Variants in CSMD3 observed in about 807,000 individuals in gnomAD.
The protein encoded by CSMD3 is CUB and Sushi multiple domains 3.
In CSMD3, 177 loss-of-function variants were observed where a neutral mutation model predicts 435.2. The ratio of observed to expected loss-of-function variants is 0.41; its 90% confidence interval spans 0.36 to 0.46. The LOEUF (loss-of-function observed/expected upper bound fraction) is 0.46. Among genes scored for constraint, CSMD3 ranks in the 20% least tolerant of loss-of-function variants. The pLI is 0.34. For synonymous variants in CSMD3, 1,656 were observed against 1,520.5 expected (o/e 1.09, Z -2.07); for missense variants, 4,265 against 4,504.6 (o/e 0.95, Z 1.52).
chr8:112,664,826 C>G lies in CSMD3; in HGVS notation c.2816+1451G>C, dbSNP rs536290406. Among the ~76,000 whole-genome samples, 3 of 152,250 alleles carry G rather than the reference C, an allele frequency of 2.0e-5. No homozygotes were observed. The East Asian group carries it at 5.8e-4, about 29-fold the overall frequency. Reference sequence around the variant, plus strand: ...AAAGGGAGAATCCAGAATAAACTGTCTTGTGGACACCTTGATCTTGAACTT... The same window carrying G: ...AAAGGGAGAATCCAGAATAAACTGTGTTGTGGACACCTTGATCTTGAACTT... On this transcript the variant is annotated intron_variant, in intron 17 of 70. Transcript: ENST00000297405.
intron 22 of CSMD3, among the ~76,000 whole-genome samples, chr8:112,587,714 A>G (rs1830849971): frequency 6.6e-6 from 1 of 151,846 alleles, no homozygotes; most frequent in African/African-American, 2.4e-5. Flanking sequence ...AAGAATTTCA[A>G]TAATAAAAAG....
chr8:112,841,776 G>GA (rs374997073), intron 11 of CSMD3, among the ~76,000 whole-genome samples: 11 of 150,264 alleles, frequency 7.3e-5, no homozygotes, highest in African/African-American at 1.5e-4. Flanking sequence ...GTCTTAGCAG[G>GA]AAAAAAAAAG....
intron 12 of CSMD3, among the ~76,000 whole-genome samples, chr8:112,827,226 G>A (rs1205076105): frequency 1.7e-5 from 2 of 121,194 alleles, no homozygotes; most frequent in Non-Finnish European, 3.3e-5. Flanking sequence ...ACCCACAATT[G>A]TGTGATACCA....
chr8:112,457,607 A>C (rs1257456069), intron 32 of CSMD3, among the ~76,000 whole-genome samples: 1 of 152,090 alleles, frequency 6.6e-6, no homozygotes, highest in Admixed American at 6.6e-5. Context: ...AATGTCTAAA[A>C]TGTAGAGAAT....
intron 5 of CSMD3, among the ~76,000 whole-genome samples, chr8:113,031,781 G>T (rs768629832): frequency 6.6e-6 from 1 of 151,450 alleles, no homozygotes; most frequent in Non-Finnish European, 1.5e-5. Flanking sequence ...AATATATGGG[G>T]TTCATATGGT....
Position 112,291,655 on chromosome 8 carries a change from T to C in CSMD3, c.8829A>G (p.Lys2943=). The change falls in exon 56 of 71, where the codon AAA becomes AAG. Residue 2943 remains lysine (K), a synonymous_variant. Transcript: ENST00000297405. Reference sequence around the variant, plus strand: ...TTCCATGTTCTATTTTACTTTCTCTTTTAGAATTGGCTGGAATTCCAGGAT... The same window carrying C: ...TTCCATGTTCTATTTTACTTTCTCTCTTAGAATTGGCTGGAATTCCAGGAT... ...CSDPGIPANS[K]RESKIEHGNF... 6.2e-7 allele frequency: 1 copy of C among 1,612,632 alleles called. No individual in the cohort carries two copies. Among genetic ancestry groups the C allele is most frequent in the Non-Finnish European group, 8.5e-7 (1 of 1,178,984 alleles).
Position 113,081,027 on chromosome 8 carries a change from T to A in CSMD3, c.917+17729A>T, listed in dbSNP as rs73702287. Among the ~76,000 whole-genome samples the A allele has an allele frequency of 7.8e-3, 1,182 of 152,308 alleles. 19 individuals carry two copies. Among genetic ancestry groups the A allele is most frequent in the African/African-American group, 0.027 (1,132 of 41,574 alleles). Reference sequence around the variant, plus strand: ...AAAACATAGTAACAACATCATATTTTAATTTTATATTGTTCTTCTTTGAAT... The same window carrying A: ...AAAACATAGTAACAACATCATATTTAAATTTTATATTGTTCTTCTTTGAAT... On this transcript the variant is annotated intron_variant, in intron 5 of 70. Coordinates refer to ENST00000297405, the MANE Select transcript of CSMD3 (RefSeq NM_198123.2).
intron 38 of CSMD3, among the ~76,000 whole-genome samples, chr8:112,362,097 A>G (rs1258353374): frequency 6.6e-6 from 1 of 151,992 alleles, no homozygotes; most frequent in Admixed American, 6.6e-5. Context: ...CGGTGAACCC[A>G]ATATGAGTTG....
chr8:112,441,928 A>AT (rs143167250), intron 32 of CSMD3, among the ~76,000 whole-genome samples: 13 of 151,820 alleles, frequency 8.6e-5, no homozygotes, highest in Admixed American at 4.6e-4. Context: ...ACCATATCAG[A>AT]TTTTTTTTGG....
At chr8:112,587,294 C>T (rs770314287) in intron 22 of CSMD3, 59 bp from the exon 23 acceptor site, 8 of 1,239,300 alleles carry the variant, frequency 6.5e-6, no homozygotes, top group Non-Finnish European at 9.5e-6. Flanking sequence ...CATTTTCAAG[C>T]AATATCATGT....
intron 6 of CSMD3, among the ~76,000 whole-genome samples, chr8:113,002,992 C>A (rs1237083981): frequency 6.6e-6 from 1 of 152,074 alleles, no homozygotes; most frequent in Non-Finnish European, 1.5e-5. Context: ...GTAATCCCAG[C>A]ACTTTGGGAG....
chr8:113,078,391 T>G (rs546032525), intron 5 of CSMD3, among the ~76,000 whole-genome samples: 32 of 152,354 alleles, frequency 2.1e-4, no homozygotes, highest in African/African-American at 7.7e-4. Context: ...CAATGTCATG[T>G]ATGCCACTTC....
At chr8:112,849,999 C>T (rs968578042) in intron 11 of CSMD3, among the ~76,000 whole-genome samples, 3 of 152,012 alleles carry the variant, frequency 2.0e-5, no homozygotes, top group African/African-American at 4.8e-5. Context: ...TCTATTTCCT[C>T]ATATGAAAAA....
rs548225739 is a variant in CSMD3 at position 113,197,162 on chromosome 8, C to T, written c.515-23246G>A. ...ACCTGAAATTCAAAATTCTTCAAAA[C>T]CCAGGATATTGTGAGTGTAGACAAG... On this transcript the variant is annotated intron_variant, in intron 3 of 70. Transcript: ENST00000297405. Among the ~76,000 whole-genome samples, 6 of 151,236 alleles carry T rather than the reference C, an allele frequency of 4.0e-5. 1 individual carries two copies. In the South Asian group the frequency reaches 1.2e-3, roughly 31 times the overall value.
chr8:113,194,014 T>C (rs183515070), intron 3 of CSMD3, among the ~76,000 whole-genome samples: 1 of 151,426 alleles, frequency 6.6e-6, no homozygotes, highest in East Asian at 1.9e-4. Context: ...TATTGTAGAA[T>C]TGAAGGACTT....
intron 27 of CSMD3, among the ~76,000 whole-genome samples, chr8:112,549,883 T>G (rs752960865): frequency 3.9e-4 from 59 of 152,040 alleles, no homozygotes; most frequent in Non-Finnish European, 7.8e-4. Flanking sequence ...TGGTTTTCAC[T>G]CATAGTTGAT....
intron 34 of CSMD3, among the ~76,000 whole-genome samples, chr8:112,407,135 G>A (rs2130039368): frequency 6.6e-6 from 1 of 151,554 alleles, no homozygotes; most frequent in South Asian, 2.1e-4. Flanking sequence ...ATTTTTTTCA[G>A]TATTTGGTTC....
At chr8:113,238,028 T>TCACA (rs898448700) in intron 3 of CSMD3, among the ~76,000 whole-genome samples, 1 of 136,012 alleles carries the variant, frequency 7.4e-6, no homozygotes, top group African/African-American at 2.8e-5. Flanking sequence ...TGAGCAGATA[T>TCACA]CACACCATTG....
intron 34 of CSMD3, among the ~76,000 whole-genome samples, chr8:112,407,631 A>G (rs952626691): frequency 6.6e-6 from 1 of 152,040 alleles, no homozygotes; most frequent in African/African-American, 2.4e-5. Flanking sequence ...CAACTGATAA[A>G]TGGGGTAAGA....
Sources: gnomAD v4.1 joint callset for allele counts (sites outside exome capture counted in the v4.1 genomes callset) on GRCh38, gnomAD v4.1.1 for gene constraint, MANE v1.5 for transcripts, NCBI Gene and HGNC (gene_info 2026-07-23, HGNC 2026-07-21) for gene names.